ZMAT4: variants seen among roughly 807,000 people sequenced by gnomAD.
The protein encoded by ZMAT4 is zinc finger matrin-type protein 4.
A neutral mutation model predicts 28.7 loss-of-function variants in ZMAT4; 17 were observed. The ratio of observed to expected loss-of-function variants is 0.59; its 90% CI spans 0.41 to 0.89. The LOEUF (loss-of-function observed/expected upper bound fraction) is 0.89, where lower values mean the gene tolerates loss of function less well. Ranked by LOEUF, ZMAT4 falls within the 40% of genes least tolerant of loss-of-function variation. The pLI is 0.00. For missense variants in ZMAT4, 240 were observed against 283.8 expected (o/e 0.85, Z 1.11); for synonymous variants, 117 against 109.2 (o/e 1.07, Z -0.44).
chr8:40,840,237 C>T (rs75497593), intron 1 of ZMAT4, among the ~76,000 whole-genome samples: 19,375 of 152,150 alleles, frequency 0.13, 1,605 homozygotes, highest in Non-Finnish European at 0.18. Flanking sequence ...CACACTCCTC[C>T]GGGGCACCCA....
At chr8:40,645,225 T>A (rs1807247136) in intron 5 of ZMAT4, among the ~76,000 whole-genome samples, 2 of 152,188 alleles carry the variant, frequency 1.3e-5, no homozygotes. Context: ...ATCTTCACCA[T>A]GTTTCAGTAA....
At chr8:40,736,693 T>G (rs754842862) in intron 3 of ZMAT4, among the ~76,000 whole-genome samples, 33 of 152,166 alleles carry the variant, frequency 2.2e-4, no homozygotes, top group Non-Finnish European at 4.7e-4. Flanking sequence ...GGTAATAGTA[T>G]GAGCAGAGGA....
chr8:40,606,551 T>A (rs1805586151), intron 5 of ZMAT4, among the ~76,000 whole-genome samples: 1 of 152,272 alleles, frequency 6.6e-6, no homozygotes, highest in Non-Finnish European at 1.5e-5. Flanking sequence ...AAATCTGCTG[T>A]TAATCTATTA....
intron 1 of ZMAT4, among the ~76,000 whole-genome samples, chr8:40,833,019 G>A (rs1315577347): frequency 6.6e-6 from 1 of 152,098 alleles, no homozygotes; most frequent in Non-Finnish European, 1.5e-5. Context: ...TCCTTCTGTG[G>A]AAAGAAAAAA....
chr8:40,642,877 C>CA (rs986072457), intron 5 of ZMAT4, among the ~76,000 whole-genome samples: 6 of 152,174 alleles, frequency 3.9e-5, no homozygotes, highest in African/African-American at 1.4e-4. Context: ...ATGACTGTCC[C>CA]AGTTTCCCTA....
At chr8:40,776,867 A>G (rs1179040048) in intron 2 of ZMAT4, among the ~76,000 whole-genome samples, 1 of 152,142 alleles carries the variant, frequency 6.6e-6, no homozygotes, top group African/African-American at 2.4e-5. Context: ...GTGGAGTCCA[A>G]AAATTAACCC....
chr8:40,713,714 G>C (rs981555216), intron 3 of ZMAT4, among the ~76,000 whole-genome samples: 8 of 151,848 alleles, frequency 5.3e-5, no homozygotes, highest in Non-Finnish European at 1.0e-4. Flanking sequence ...TTCGAGACCA[G>C]CCTGACCAAC....
chr8:40,557,836 A>G (rs930017679), intron 6 of ZMAT4, among the ~76,000 whole-genome samples: 11 of 152,200 alleles, frequency 7.2e-5, no homozygotes, highest in African/African-American at 2.7e-4. Flanking sequence ...GAAGAGATAG[A>G]TGATAGATGG....
chr8:40,788,754 A>G (rs1174816158), intron 2 of ZMAT4, among the ~76,000 whole-genome samples: 3 of 148,164 alleles, frequency 2.0e-5, no homozygotes, highest in Admixed American at 6.7e-5. Context: ...TATCAAAAAC[A>G]AGGACATTAC....
chr8:40,812,128 C>T (rs754605483), intron 2 of ZMAT4, among the ~76,000 whole-genome samples: 3 of 152,110 alleles, frequency 2.0e-5, no homozygotes, highest in Non-Finnish European at 4.4e-5. Context: ...GAGACTCCAT[C>T]TCTAAAAACA....
At chr8:40,848,082 T>C (rs919467638) in intron 1 of ZMAT4, among the ~76,000 whole-genome samples, 1 of 152,218 alleles carries the variant, frequency 6.6e-6, no homozygotes, top group South Asian at 2.1e-4. Flanking sequence ...CCCTTCTGTC[T>C]ACCTGCTCCT....
chr8:40,798,387 T>C (rs1358209559), intron 2 of ZMAT4, among the ~76,000 whole-genome samples: 1 of 152,198 alleles, frequency 6.6e-6, no homozygotes, highest in Non-Finnish European at 1.5e-5. Flanking sequence ...GGCTCTTTAA[T>C]GTATGACAAC....
At chr8:40,840,234 C>T in intron 1 of ZMAT4, among the ~76,000 whole-genome samples, 1 of 152,202 alleles carries the variant, frequency 6.6e-6, no homozygotes, top group East Asian at 1.9e-4. Flanking sequence ...AATCACACTC[C>T]TCCGGGGCAC....
At chr8:40,691,718 G>A (rs1483398588) in intron 4 of ZMAT4, among the ~76,000 whole-genome samples, 1 of 152,150 alleles carries the variant, frequency 6.6e-6, no homozygotes, top group Non-Finnish European at 1.5e-5. Context: ...AGACACTATA[G>A]TAAGTATTTT....
intron 1 of ZMAT4, among the ~76,000 whole-genome samples, chr8:40,895,260 G>A (rs1266809663): frequency 6.6e-6 from 1 of 152,220 alleles, no homozygotes; most frequent in Non-Finnish European, 1.5e-5. Flanking sequence ...TTGATGAAAT[G>A]ACAAGTAACA....
At chr8:40,824,215 T>C (rs1390177243) in intron 2 of ZMAT4, among the ~76,000 whole-genome samples, 1 of 152,214 alleles carries the variant, frequency 6.6e-6, no homozygotes, top group Non-Finnish European at 1.5e-5. Context: ...CCTTCCAATA[T>C]AAAATTACTT....
At chr8:40,841,217 T>G (rs1035428596) in intron 1 of ZMAT4, among the ~76,000 whole-genome samples, 22 of 152,208 alleles carry the variant, frequency 1.4e-4, no homozygotes, top group Non-Finnish European at 3.1e-4. Context: ...CTGGCCCCAG[T>G]GGCGGTTGCA....
intron 5 of ZMAT4, among the ~76,000 whole-genome samples, chr8:40,622,366 G>A (rs1281117606): frequency 6.6e-6 from 1 of 152,160 alleles, no homozygotes; most frequent in Non-Finnish European, 1.5e-5. Flanking sequence ...CAACACTTAA[G>A]GGGAGGCCCC....
At chr8:40,842,093 C>T (rs1444455315) in intron 1 of ZMAT4, among the ~76,000 whole-genome samples, 2 of 152,154 alleles carry the variant, frequency 1.3e-5, no homozygotes, top group Non-Finnish European at 1.5e-5. Flanking sequence ...CCACAAGGCC[C>T]TCCTATAGGT....
Sources: gnomAD v4.1 joint callset for allele counts (sites outside exome capture counted in the v4.1 genomes callset) on GRCh38, gnomAD v4.1.1 for gene constraint, MANE v1.5 for transcripts, NCBI Gene and HGNC (gene_info 2026-07-23, HGNC 2026-07-21) for gene names.